PIK3C2A: variants seen among roughly 807,000 people sequenced by gnomAD.
The protein encoded by PIK3C2A is phosphatidylinositol-4-phosphate 3-kinase catalytic subunit type 2 alpha.
PIK3C2A carries 97 observed loss-of-function variants against 204.5 expected under a neutral mutation model. The ratio of observed to expected loss-of-function variants is 0.47; its 90% CI spans 0.40 to 0.56. PIK3C2A has a LOEUF of 0.56. PIK3C2A is among the 20% of genes least tolerant of loss of function. The probability of loss-of-function intolerance (pLI) is 0.00; values close to 1 mark genes in which losing one functional copy is unlikely to be tolerated. For missense variants in PIK3C2A, 1,735 were observed against 1,969.2 expected (o/e 0.88, Z 2.25); for synonymous variants, 653 against 664.4 (o/e 0.98, Z 0.26).
chr11:17,102,431 C>T (rs182893781), intron 24 of PIK3C2A, among the ~76,000 whole-genome samples: 8 of 152,156 alleles, frequency 5.3e-5, no homozygotes, highest in South Asian at 2.1e-4. Context: ...AGCAAGACTC[C>T]GTCTCAAAAA....
intron 22 of PIK3C2A, among the ~76,000 whole-genome samples, chr11:17,109,612 G>A (rs547882706): frequency 2.6e-5 from 4 of 152,286 alleles, no homozygotes; most frequent in African/African-American, 9.6e-5. Context: ...TACCTGGGTT[G>A]GAGTGCAGTA....
At chr11:17,125,328 A>G (rs1849487919) in intron 13 of PIK3C2A, among the ~76,000 whole-genome samples, 1 of 152,192 alleles carries the variant, frequency 6.6e-6, no homozygotes, top group Non-Finnish European at 1.5e-5. Flanking sequence ...TAATGGGTAG[A>G]ATCTAGGGAT....
At chr11:17,195,095 T>C (rs1852101939) in intron 1 of PIK3C2A, among the ~76,000 whole-genome samples, 1 of 152,114 alleles carries the variant, frequency 6.6e-6, no homozygotes, top group East Asian at 1.9e-4. Flanking sequence ...TGTGGATTTC[T>C]TGTGATGTAT....
chr11:17,102,576 C>T (rs956296970), intron 24 of PIK3C2A, 86 bp downstream of exon 24: 26 of 1,081,408 alleles, frequency 2.4e-5, no homozygotes, highest in Middle Eastern at 2.1e-4. Context: ...AATGGAGCCG[C>T]GAGGCAAAAC....
rs1304623959 is a variant in PIK3C2A at position 17,134,985 on chromosome 11, A to T, written c.1942T>A (p.Leu648Ile). The change falls in exon 11 of 33, where the codon TTA (leucine) becomes ATA (isoleucine). Residue 648 changes from leucine to isoleucine, a missense_variant. Leu to Ile is a conservative substitution (Grantham distance 5, BLOSUM62 2). Transcript: ENST00000691414. ...AGAAGATCATAAATTGCTGCAGTTA[A>T]TTGGTTTATGCTTACTTGAACAGGA... is the stretch of plus-strand genomic sequence containing the variant. ...ENPVQVSINQ[L>I]TAAIYDLLRL... The T allele has an allele frequency of 6.2e-7, 1 of 1,614,050 alleles. No homozygotes were observed. The highest frequency in any genetic ancestry group is 2.2e-5 in the East Asian group (1 of 44,900).
At chr11:17,126,420 T>C (rs1849528924) in intron 13 of PIK3C2A, among the ~76,000 whole-genome samples, 1 of 152,190 alleles carries the variant, frequency 6.6e-6, no homozygotes, top group African/African-American at 2.4e-5. Context: ...AAAGAACTCA[T>C]TTGTTATTAA....
chr11:17,155,563 T>G lies in PIK3C2A; in HGVS notation c.1132A>C (p.Asn378His). ...CGACAAAAAGCTGCCATCTCCTCAT[T>G]CTGTACTTCAACTTCTTGAAGAAGA... ...SSLLQEVEVQ[N>H]EEMAAFCRSI... is the part of the protein sequence containing the mutation. The change falls in exon 3 of 33, where the codon AAT becomes CAT. Residue 378 changes from asparagine to histidine, a missense_variant. Transcript: ENST00000691414. 1 of 1,606,828 alleles carries G rather than the reference T, an allele frequency of 6.2e-7. No homozygotes were observed. The highest frequency in any genetic ancestry group is 8.5e-7 in the Non-Finnish European group (1 of 1,174,550).
At chr11:17,180,619 C>G (rs1452401780) in intron 1 of PIK3C2A, among the ~76,000 whole-genome samples, 1 of 151,524 alleles carries the variant, frequency 6.6e-6, no homozygotes, top group African/African-American at 2.4e-5. Flanking sequence ...GTCAGGAGTT[C>G]GAGACCAGCC....
At chr11:17,123,590 C>G (rs1033541822) in intron 13 of PIK3C2A, among the ~76,000 whole-genome samples, 1 of 151,950 alleles carries the variant, frequency 6.6e-6, no homozygotes, top group African/African-American at 2.4e-5. Flanking sequence ...GTTTCCTAGA[C>G]TAGGGGTCTG....
Position 17,134,367 on chromosome 11 carries a change from AT to A in PIK3C2A, c.2108+451del, listed in dbSNP as rs398055029. On this transcript the variant is annotated intron_variant, in intron 11 of 32. Coordinates refer to ENST00000691414, the MANE Select transcript of PIK3C2A (RefSeq NM_002645.4). Reference sequence around the variant, plus strand: ...CTACAGGTGCACACCACCACTGGCTATTTTTTTTTTTTTAATGGAGTTTAGC... The same window carrying A: ...CTACAGGTGCACACCACCACTGGCTATTTTTTTTTTTTAATGGAGTTTAGC... Among the ~76,000 whole-genome samples the A allele has an allele frequency of 7.7e-3, 1,082 of 140,060 alleles. 4 individuals carry two copies. Among genetic ancestry groups the A allele is most frequent in the African/African-American group, 0.019 (733 of 38,180 alleles). The allele number at this position is 140,060 out of a possible 152,430, so 91.9% of individuals were successfully genotyped here. A position where few individuals can be genotyped will look rare whatever the true frequency, so the allele number is the denominator to read the frequency against.
chr11:17,126,985 GATA>G (rs1201803775), intron 13 of PIK3C2A, among the ~76,000 whole-genome samples: 1 of 152,140 alleles, frequency 6.6e-6, no homozygotes, highest in Non-Finnish European at 1.5e-5. Flanking sequence ...AAAAATTAAT[GATA>G]ATGATGAAAT....
chr11:17,203,199 A>G (rs1852447807), intron 1 of PIK3C2A, among the ~76,000 whole-genome samples: 1 of 152,184 alleles, frequency 6.6e-6, no homozygotes, highest in Non-Finnish European at 1.5e-5. Flanking sequence ...TACATTAGAA[A>G]AACAGACTGC....
intron 1 of PIK3C2A, among the ~76,000 whole-genome samples, chr11:17,175,879 T>C (rs992813330): frequency 6.6e-6 from 1 of 152,164 alleles, no homozygotes; most frequent in Non-Finnish European, 1.5e-5. Flanking sequence ...TTCCTGATCT[T>C]AAAATTTCAA....
chr11:17,104,905 C>T (rs1485449275), intron 23 of PIK3C2A, among the ~76,000 whole-genome samples: 1 of 152,010 alleles, frequency 6.6e-6, no homozygotes, highest in Non-Finnish European at 1.5e-5. Context: ...TAACATTCTG[C>T]ATTAGAAAAA....
At chr11:17,128,486 A>G (rs1849594376) in intron 13 of PIK3C2A, among the ~76,000 whole-genome samples, 1 of 152,074 alleles carries the variant, frequency 6.6e-6, no homozygotes, top group South Asian at 2.1e-4. Context: ...TGATCTGCCT[A>G]CCTTGGACTA....
intron 8 of PIK3C2A, among the ~76,000 whole-genome samples, chr11:17,143,638 C>CA (rs1398850765): frequency 8.5e-6 from 1 of 118,102 alleles, no homozygotes; most frequent in African/African-American, 3.1e-5. Context: ...AAAAAAAAAA[C>CA]AAAAAAAAAA....
At chr11:17,176,988 C>A (rs1336052669) in intron 1 of PIK3C2A, among the ~76,000 whole-genome samples, 1 of 151,990 alleles carries the variant, frequency 6.6e-6, no homozygotes, top group Non-Finnish European at 1.5e-5. Context: ...CTATTAGTAT[C>A]CCTAGTATAC....
intron 14 of PIK3C2A, 83 bp downstream of exon 14, chr11:17,122,619 C>T: frequency 4.2e-6 from 3 of 708,800 alleles, no homozygotes; most frequent in Non-Finnish European, 7.4e-6. Context: ...GTTTCTTTAA[C>T]AACCCAAATC....
chr11:17,124,457 CTTTT>C (rs397849773), intron 13 of PIK3C2A, among the ~76,000 whole-genome samples: 1 of 138,344 alleles, frequency 7.2e-6, no homozygotes. Flanking sequence ...ATTTGGATGT[CTTTT>C]TTTTTTTTTT....
Sources: allele counts gnomAD v4.1 joint callset (sites outside exome capture counted in the v4.1 genomes callset), GRCh38; gene constraint gnomAD v4.1.1; transcripts MANE v1.5; gene names NCBI Gene and HGNC (gene_info 2026-07-23, HGNC 2026-07-21).